DMD: variants seen among roughly 807,000 people sequenced by gnomAD.
DMD encodes the protein dystrophin, also known as mutant dystrophin.
In DMD, 63 loss-of-function variants were observed where a neutral mutation model predicts 330.1. That is an observed-to-expected ratio of 0.19 (90% CI 0.16 to 0.24). The LOEUF (loss-of-function observed/expected upper bound fraction) is 0.24. DMD is among the 10% of genes least tolerant of loss of function. The pLI is 1.00. For missense variants in DMD, 3,344 were observed against 2,684.1 expected, an observed-to-expected ratio of 1.25 and a Z score of -5.43; for synonymous variants, 1,223 against 959.8, an observed-to-expected ratio of 1.27 and a Z score of -5.07.
chrX:32,673,844 C>A (rs761709289), intron 9 of DMD, among the ~76,000 whole-genome samples: 1 of 111,893 alleles, frequency 8.9e-6, no homozygotes, highest in South Asian at 3.6e-4. Context: ...ACATTTGAAG[C>A]CTAAAACCAA....
intron 63 of DMD, among the ~76,000 whole-genome samples, chrX:31,256,449 CGATA>C (rs1231493697): frequency 2.7e-5 from 3 of 111,512 alleles, no homozygotes; most frequent in Non-Finnish European, 5.6e-5. Flanking sequence ...GGTACACAGC[CGATA>C]AATGAGGGAA....
intron 41 of DMD, among the ~76,000 whole-genome samples, chrX:32,329,824 G>A (rs2097670372): frequency 8.9e-6 from 1 of 112,522 alleles, no homozygotes; most frequent in African/African-American, 3.2e-5. Flanking sequence ...CTGGCGAGAA[G>A]TGCCCATGCA....
chrX:32,915,378 T>A (rs1438076744), intron 2 of DMD, among the ~76,000 whole-genome samples: 1 of 112,316 alleles, frequency 8.9e-6, no homozygotes, highest in Non-Finnish European at 1.9e-5. Flanking sequence ...TCCTGATTTC[T>A]GAATTTTTAG....
At chrX:32,550,717 A>G (rs1397968871) in intron 16 of DMD, among the ~76,000 whole-genome samples, 1 of 110,861 alleles carries the variant, frequency 9.0e-6, no homozygotes. Flanking sequence ...AATAATTAAT[A>G]ATAAAGATAG....
In DMD at chrX:32,234,019, C is replaced by T. The variant is rs1000633973; in HGVS notation, c.6291-16956G>A. The stretch of plus-strand genomic sequence containing the variant: ...ATGTTTTCCATTAACCCTACAACTG[C>T]GATTTCGGCAGCTTCATGCTTCTCA... On this transcript the variant is annotated intron_variant, in intron 43 of 78. Transcript: ENST00000357033. Among the ~76,000 whole-genome samples the T allele has an allele frequency of 6.3e-5, 7 of 111,172 alleles. No homozygotes were observed. The Admixed American group carries it at 6.8e-4, about 11-fold the overall frequency.
rs778137645 is a variant in DMD, at chrX:32,511,245, C to T, written c.2292+6763G>A. 1.5e-3 allele frequency among the ~76,000 whole-genome samples: 166 copies of T among 110,497 alleles called. 1 individual carries two copies. The highest frequency in any genetic ancestry group is 2.3e-3 in the Non-Finnish European group (122 of 52,821). On this transcript the variant is annotated intron_variant, in intron 18 of 78. Coordinates refer to ENST00000357033, the MANE Select transcript of DMD (RefSeq NM_004006.3). ...ATTTTGTGAAAGTCATTAATTTGGC[C>T]GGGCGCAGGGGCTCACGCCTGTAAT...
chrX:32,927,363 CTTTTTTTTTTT>C (rs536073565), intron 2 of DMD, among the ~76,000 whole-genome samples: 6 of 57,006 alleles, frequency 1.1e-4, no homozygotes, highest in East Asian at 5.7e-4. Flanking sequence ...TTCTTTCTTT[CTTTTTTTTTTT>C]TTTTTTTTTT....
At chrX:31,647,872 A>G (rs951339245) in intron 54 of DMD, among the ~76,000 whole-genome samples, 2 of 112,361 alleles carry the variant, frequency 1.8e-5, no homozygotes, top group African/African-American at 6.5e-5. Context: ...TTTGAAACAC[A>G]CAACTACTGC....
At chrX:31,354,758 G>A (rs1293897436) in intron 60 of DMD, among the ~76,000 whole-genome samples, 1 of 112,173 alleles carries the variant, frequency 8.9e-6, no homozygotes. Context: ...CACAAAGACA[G>A]AGATCTTATC....
chrX:33,241,534 A>G (rs1254504273), intron 1 of DMD, among the ~76,000 whole-genome samples: 1 of 111,813 alleles, frequency 8.9e-6, no homozygotes, highest in Non-Finnish European at 1.9e-5. Context: ...TGGGTCTTCA[A>G]GCTCTTTTGT....
intron 76 of DMD, 130 bp from the exon 77 acceptor site, chrX:31,134,324 A>G: frequency 2.0e-6 from 1 of 511,449 alleles, no homozygotes; most frequent in East Asian, 3.7e-5. Context: ...GAAAACCCTC[A>G]AGCTTAATAA....
intron 44 of DMD, among the ~76,000 whole-genome samples, chrX:32,110,983 T>C (rs910653245): frequency 2.7e-5 from 3 of 112,145 alleles, no homozygotes; most frequent in African/African-American, 9.7e-5. Flanking sequence ...GTAAATAAAA[T>C]AGACATTCTA....
At chrX:32,895,613 C>T (rs1178983646) in intron 2 of DMD, among the ~76,000 whole-genome samples, 2 of 111,394 alleles carry the variant, frequency 1.8e-5, no homozygotes, top group Admixed American at 9.6e-5. Context: ...CAGACACTCC[C>T]ATTCCAATGG....
chrX:32,059,202 A>G (rs1241320623), intron 44 of DMD, among the ~76,000 whole-genome samples: 1 of 111,462 alleles, frequency 9.0e-6, no homozygotes, highest in Non-Finnish European at 1.9e-5. Context: ...ACAATACTGT[A>G]TTGTGCACTT....
intron 76 of DMD, among the ~76,000 whole-genome samples, chrX:31,140,611 A>G (rs1351530041): frequency 3.6e-5 from 4 of 112,395 alleles, no homozygotes; most frequent in African/African-American, 9.7e-5. Context: ...CCTTTAACAT[A>G]TTATGGTGTA....
chrX:32,311,505 A>C (rs753391913), intron 41 of DMD, among the ~76,000 whole-genome samples: 1 of 111,642 alleles, frequency 9.0e-6, no homozygotes, highest in Non-Finnish European at 1.9e-5. Flanking sequence ...TAATTTAGAT[A>C]TCTCATCTAC....
intron 2 of DMD, among the ~76,000 whole-genome samples, chrX:32,945,951 T>C (rs1342746787): frequency 9.9e-5 from 11 of 111,355 alleles, no homozygotes; most frequent in Non-Finnish European, 1.9e-5. Context: ...GATTGGTTGA[T>C]AGTTTTCAAT....
At chrX:32,829,280 A>T (rs2078984117) in intron 4 of DMD, among the ~76,000 whole-genome samples, 2 of 111,789 alleles carry the variant, frequency 1.8e-5, no homozygotes, top group Admixed American at 1.9e-4. Flanking sequence ...ACACTCTTCA[A>T]CAGTACACCT....
chrX:32,984,885 C>G, intron 2 of DMD, among the ~76,000 whole-genome samples: 1 of 111,243 alleles, frequency 9.0e-6, no homozygotes, highest in Middle Eastern at 4.7e-3. Flanking sequence ...AAAGAAATAT[C>G]CTTCCCCTTC....
Sources: gnomAD v4.1 joint callset for allele counts (sites outside exome capture counted in the v4.1 genomes callset) on GRCh38, gnomAD v4.1.1 for gene constraint, MANE v1.5 for transcripts, NCBI Gene and HGNC (gene_info 2026-07-23, HGNC 2026-07-21) for gene names.